The following PHF21A variants were observed in gnomAD, a reference collection of about 807,000 sequenced individuals.
PHF21A encodes the protein BHC80a.
A neutral mutation model predicts 82.5 loss-of-function variants in PHF21A; 11 were observed. That is an observed-to-expected ratio of 0.13 (90% CI 0.08 to 0.22). The LOEUF (loss-of-function observed/expected upper bound fraction) is 0.22. PHF21A is among the 10% of genes least tolerant of loss of function. PHF21A has a pLI of 1.00. For missense variants in PHF21A, 579 were observed against 837.8 expected, an observed-to-expected ratio of 0.69 and a Z score of 3.81; for synonymous variants, 297 against 302.8, an observed-to-expected ratio of 0.98 and a Z score of 0.20.
intron 6 of PHF21A, among the ~76,000 whole-genome samples, chr11:46,054,949 G>C (rs890984334): frequency 3.3e-5 from 5 of 152,170 alleles, no homozygotes; most frequent in African/African-American, 1.2e-4. Flanking sequence ...CATTTGATAA[G>C]CATACCTAAG....
intron 1 of PHF21A, among the ~76,000 whole-genome samples, chr11:46,111,340 C>T (rs1279441734): frequency 3.3e-5 from 5 of 151,698 alleles, no homozygotes; most frequent in African/African-American, 1.2e-4. Context: ...CATGGAGGTG[C>T]ATGCCTGTAA....
At chr11:46,075,489 T>C (rs1401021350) in intron 6 of PHF21A, among the ~76,000 whole-genome samples, 1 of 152,222 alleles carries the variant, frequency 6.6e-6, no homozygotes, top group Non-Finnish European at 1.5e-5. Context: ...ACACACATCA[T>C]GTTGACTTTA....
At chr11:46,058,059 A>G (rs2096484894) in intron 6 of PHF21A, among the ~76,000 whole-genome samples, 1 of 152,126 alleles carries the variant, frequency 6.6e-6, no homozygotes, top group Non-Finnish European at 1.5e-5. Context: ...TAACATCTCA[A>G]CTTTTAACAA....
chr11:45,951,250 C>T (rs2092068683), intron 11 of PHF21A, among the ~76,000 whole-genome samples: 2 of 152,194 alleles, frequency 1.3e-5, no homozygotes, highest in Admixed American at 1.3e-4. Context: ...AAAAGACATA[C>T]TCCTGTAGAG....
At chr11:45,987,251 A>AATGTATGTATATATGT (rs1555052245) in intron 6 of PHF21A, among the ~76,000 whole-genome samples, 2 of 148,446 alleles carry the variant, frequency 1.3e-5, no homozygotes, top group Non-Finnish European at 1.5e-5. Flanking sequence ...ATCATAAATA[A>AATGTATGTATATATGT]ATGTATGTAT....
chr11:46,045,715 T>G (rs1216785793), intron 6 of PHF21A, among the ~76,000 whole-genome samples: 1 of 152,184 alleles, frequency 6.6e-6, no homozygotes, highest in South Asian at 2.1e-4. Flanking sequence ...TCACTATCTG[T>G]TCTCTAAAAC....
At chr11:46,053,315 A>G (rs989495257) in intron 6 of PHF21A, among the ~76,000 whole-genome samples, 1 of 152,158 alleles carries the variant, frequency 6.6e-6, no homozygotes, top group Non-Finnish European at 1.5e-5. Flanking sequence ...AAAGGGTACT[A>G]ACTTCTAGTC....
At chr11:46,119,551 CACA>C (rs1354889423) in intron 1 of PHF21A, among the ~76,000 whole-genome samples, 2 of 152,116 alleles carry the variant, frequency 1.3e-5, no homozygotes, top group Non-Finnish European at 1.5e-5. Flanking sequence ...GTACCCTCAT[CACA>C]ACAACTCAAC....
rs1565818122 is a variant in PHF21A, at chr11:46,066,147, T to C, written c.153+10607A>G. 7.9e-5 allele frequency among the ~76,000 whole-genome samples: 12 copies of C among 152,338 alleles called. No individual in the cohort carries two copies. In the South Asian group the frequency reaches 2.3e-3, roughly 29 times the overall value. ...AAAAAGTAGGCTCTATTTTATTTGA[T>C]ACACAGGCAACATTAGTCTATGCTG... On this transcript the variant is annotated intron_variant, in intron 6 of 18. Coordinates refer to ENST00000676320, the MANE Select transcript of PHF21A (RefSeq NM_001352027.3).
chr11:46,028,893 T>C (rs2095808508), intron 6 of PHF21A, among the ~76,000 whole-genome samples: 1 of 152,226 alleles, frequency 6.6e-6, no homozygotes, highest in Admixed American at 6.5e-5. Flanking sequence ...TTTAAGGCAT[T>C]TCTAATTTTT....
At chr11:45,985,499 A>G (rs1489561652) in intron 6 of PHF21A, among the ~76,000 whole-genome samples, 5 of 152,240 alleles carry the variant, frequency 3.3e-5, no homozygotes, top group African/African-American at 9.6e-5. Flanking sequence ...GTAAAATTCA[A>G]TAAGAGAATC....
chr11:46,049,567 A>G (rs995828412), intron 6 of PHF21A: 9 of 448,796 alleles, frequency 2.0e-5, no homozygotes, highest in African/African-American at 6.0e-5. Flanking sequence ...GAGGGATAGA[A>G]AGAGGATAGG....
intron 6 of PHF21A, among the ~76,000 whole-genome samples, chr11:46,051,579 G>A (rs748690004): frequency 6.6e-6 from 1 of 152,100 alleles, no homozygotes; most frequent in Non-Finnish European, 1.5e-5. Flanking sequence ...GAAACACAAA[G>A]CTTCTTGTCT....
intron 6 of PHF21A, among the ~76,000 whole-genome samples, chr11:45,997,218 A>AT (rs1172107280): frequency 6.6e-6 from 1 of 152,040 alleles, no homozygotes; most frequent in African/African-American, 2.4e-5. Context: ...AAACAGAGGG[A>AT]TTTTTTTCCA....
At chr11:46,097,522 G>T (rs185251151) in intron 1 of PHF21A, among the ~76,000 whole-genome samples, 119 of 152,130 alleles carry the variant, frequency 7.8e-4, no homozygotes, top group Non-Finnish European at 1.3e-3. Flanking sequence ...AGGAGCAAAA[G>T]AATACTAAAA....
At chr11:46,099,658 A>G (rs1425258266) in intron 1 of PHF21A, among the ~76,000 whole-genome samples, 3 of 152,184 alleles carry the variant, frequency 2.0e-5, no homozygotes, top group Non-Finnish European at 4.4e-5. Flanking sequence ...GAAAACTCAG[A>G]GTAGGCCTTA....
intron 6 of PHF21A, among the ~76,000 whole-genome samples, chr11:46,073,661 G>A (rs959370478): frequency 6.6e-6 from 1 of 151,936 alleles, no homozygotes; most frequent in Non-Finnish European, 1.5e-5. Context: ...CATAAAAATG[G>A]GACTGTAATG....
chr11:46,041,386 G>A (rs2096137262), intron 6 of PHF21A, among the ~76,000 whole-genome samples: 3 of 152,066 alleles, frequency 2.0e-5, no homozygotes, highest in African/African-American at 7.2e-5. Flanking sequence ...TACTTCTTTC[G>A]AGCAATAACA....
At chr11:45,989,421 G>A (rs950108908) in intron 6 of PHF21A, among the ~76,000 whole-genome samples, 4 of 143,310 alleles carry the variant, frequency 2.8e-5, no homozygotes, top group African/African-American at 1.0e-4. Context: ...TTGGGAGGCC[G>A]AAGTGGGCAG....
Sources: allele counts gnomAD v4.1 joint callset (sites outside exome capture counted in the v4.1 genomes callset), GRCh38; gene constraint gnomAD v4.1.1; transcripts MANE v1.5; gene names NCBI Gene and HGNC (gene_info 2026-07-23, HGNC 2026-07-21).